Variants in SIL1 observed in about 807,000 individuals in gnomAD.
SIL1 encodes nucleotide exchange factor SIL1.
In SIL1, 40 loss-of-function variants were observed where a neutral mutation model predicts 49.1. The observed-to-expected ratio is 0.81, with a 90% confidence interval of 0.63 to 1.06. SIL1 has a LOEUF of 1.06. Ranked by LOEUF, SIL1 falls within the 50% of genes least tolerant of loss-of-function variation. The pLI is 0.00. For synonymous variants in SIL1, 253 were observed against 250.8 expected (o/e 1.01, Z -0.08); for missense variants, 500 against 572.6 (o/e 0.87, Z 1.29).
chr5:138,954,053 G>T (rs1448637573), intron 7 of SIL1, among the ~76,000 whole-genome samples: 2 of 152,170 alleles, frequency 1.3e-5, no homozygotes, highest in South Asian at 2.1e-4. Flanking sequence ...TGTGACCAGG[G>T]CAAAGAGAAG....
rs563840164 is a variant in SIL1 at position 139,025,207 on chromosome 5, T to C, written c.645+1594A>G. 3.9e-5 allele frequency among the ~76,000 whole-genome samples: 6 copies of C among 152,344 alleles called. No individual in the cohort carries two copies. In the South Asian group the frequency reaches 8.3e-4, roughly 21 times the overall value. On this transcript the variant is annotated intron_variant, in intron 6 of 9. Transcript: ENST00000394817. ...TTATTGAATAAATCAATGGCTTTTA[T>C]TGGCTCCTTGTTAGCTCCACCTTTT...
At position 138,955,019 on chromosome 5, in the gene SIL1, G is replaced by A. The variant is rs1766871492; in HGVS notation, c.768-3135C>T. On this transcript the variant is annotated intron_variant, in intron 7 of 9. Transcript: ENST00000394817. Reference sequence around the variant, plus strand: ...GAGCACAGCTTTATTTGGCCTGGATGCCTCGAGCACATATCATGTATGGCA... The same window carrying A: ...GAGCACAGCTTTATTTGGCCTGGATACCTCGAGCACATATCATGTATGGCA... 2.0e-5 allele frequency among the ~76,000 whole-genome samples: 3 copies of A among 152,234 alleles called. No individual in the cohort carries two copies. In the South Asian group the frequency reaches 6.2e-4, roughly 31 times the overall value.
At chr5:138,951,935 G>T (rs376625839) in intron 7 of SIL1, 51 bp from the exon 8 acceptor site, 35 of 1,499,840 alleles carry the variant, frequency 2.3e-5, no homozygotes, top group Non-Finnish European at 3.1e-5. Flanking sequence ...CCCAGGGATC[G>T]GATGGTCAGG....
chr5:139,137,020 C>T (rs1750987615), intron 1 of SIL1, among the ~76,000 whole-genome samples: 1 of 152,202 alleles, frequency 6.6e-6, no homozygotes. Context: ...GGGCTCTCAG[C>T]CATGCCTCAG....
At chr5:139,075,101 G>A (rs1769920587) in intron 3 of SIL1, among the ~76,000 whole-genome samples, 1 of 152,194 alleles carries the variant, frequency 6.6e-6, no homozygotes, top group Non-Finnish European at 1.5e-5. Context: ...GGGATTATAG[G>A]CGTGAGCCAT....
At chr5:138,973,486 G>T (rs913086347) in intron 7 of SIL1, among the ~76,000 whole-genome samples, 13 of 151,998 alleles carry the variant, frequency 8.6e-5, no homozygotes, top group African/African-American at 3.1e-4. Flanking sequence ...TTTTGAGACA[G>T]GGTCTCGCCC....
chr5:139,148,139 C>G (rs977746206), intron 1 of SIL1, among the ~76,000 whole-genome samples: 1 of 151,400 alleles, frequency 6.6e-6, no homozygotes, highest in Non-Finnish European at 1.5e-5. Flanking sequence ...CACATAAACC[C>G]AAGAGAGTTA....
At chr5:138,958,451 A>G (rs528962096) in intron 7 of SIL1, among the ~76,000 whole-genome samples, 1 of 152,296 alleles carries the variant, frequency 6.6e-6, no homozygotes, top group Admixed American at 6.5e-5. Context: ...TCTGAAATTA[A>G]TATTTTGTGG....
intron 3 of SIL1, among the ~76,000 whole-genome samples, chr5:139,060,237 A>T (rs1472012093): frequency 6.6e-6 from 1 of 152,230 alleles, no homozygotes; most frequent in African/African-American, 2.4e-5. Flanking sequence ...AGTCGGAGCT[A>T]TAAAAAAGAA....
chr5:138,951,460 G>C, intron 8 of SIL1, 125 bp from the exon 9 acceptor site: 1 of 987,080 alleles, frequency 1.0e-6, no homozygotes, highest in African/African-American at 1.6e-5. Flanking sequence ...CTCAGTTACA[G>C]CTATACCCCA....
rs1298941770 is a variant in SIL1 at position 139,198,213 on chromosome 5, A to G, written c.-11+56T>C. The G allele has an allele frequency of 2.0e-5, 3 of 152,320 alleles. No homozygotes were observed. The East Asian group carries it at 5.8e-4, about 29-fold the overall frequency. The allele number at this position is 152,320 out of a possible 1,614,324, so 9.4% of individuals were successfully genotyped here. On this transcript the variant is annotated intron_variant, in intron 1 of 9. Transcript: ENST00000394817. ...GGCCGCCGGCAGGAGGAGGCCCAGG[A>G]AGCGCCCTGAGCCCCCCGCCCAGCT...
chr5:139,194,529 G>C (rs1252968508), intron 1 of SIL1, among the ~76,000 whole-genome samples: 7 of 152,206 alleles, frequency 4.6e-5, no homozygotes, highest in Non-Finnish European at 1.0e-4. Flanking sequence ...AAGGTTTGCA[G>C]TTTAAGGCCG....
chr5:138,992,635 C>CA (rs1301644623), intron 7 of SIL1, among the ~76,000 whole-genome samples: 2 of 148,370 alleles, frequency 1.3e-5, no homozygotes, highest in East Asian at 2.0e-4. Flanking sequence ...TTTCAAACAT[C>CA]AAAAAAATAA....
In SIL1 at chr5:139,155,453, G is replaced by A. The variant is rs111701543; in HGVS notation, c.-10-27600C>T. ...ACACACACACGTACACAGAGTGAGA[G>A]AGAGAGAGAGAGAGAGAGAGAGAGA... is the stretch of plus-strand genomic sequence containing the variant. On this transcript the variant is annotated intron_variant, in intron 1 of 9. Coordinates refer to ENST00000394817, the MANE Select transcript of SIL1 (RefSeq NM_022464.5). The A allele has an allele frequency of 5.4e-5, 8 of 149,270 alleles. No individual in the cohort carries two copies. In the East Asian group the frequency reaches 1.6e-3, roughly 29 times the overall value. The allele number at this position is 149,270 out of a possible 1,614,324, so 9.2% of individuals were successfully genotyped here.
At chr5:138,962,905 G>A (rs759778124) in intron 7 of SIL1, among the ~76,000 whole-genome samples, 3 of 152,172 alleles carry the variant, frequency 2.0e-5, no homozygotes, top group Admixed American at 6.5e-5. Flanking sequence ...GGAAGAAAGC[G>A]GGCTAAAGAG....
At chr5:139,190,133 G>GTGAGTC (rs1752141624) in intron 1 of SIL1, among the ~76,000 whole-genome samples, 1 of 152,320 alleles carries the variant, frequency 6.6e-6, no homozygotes, top group Non-Finnish European at 1.5e-5. Context: ...GTAAATACAA[G>GTGAGTC]TGAGTCTGAC....
chr5:139,186,814 T>A (rs1363308759), intron 1 of SIL1, among the ~76,000 whole-genome samples: 2 of 152,202 alleles, frequency 1.3e-5, no homozygotes, highest in Non-Finnish European at 2.9e-5. Context: ...GAATGACAGA[T>A]GCAGTGTCTG....
intron 7 of SIL1, 71 bp from the exon 8 acceptor site, chr5:138,951,955 C>G (rs1554122240): frequency 1.5e-6 from 2 of 1,292,710 alleles, no homozygotes; most frequent in South Asian, 2.4e-5. Context: ...GGAACTGAGC[C>G]CATGTCAGCC....
At chr5:139,118,139 C>T (rs1016193619) in intron 3 of SIL1, among the ~76,000 whole-genome samples, 2 of 152,240 alleles carry the variant, frequency 1.3e-5, no homozygotes, top group East Asian at 3.8e-4. Context: ...AAACACTCTG[C>T]TAACCCCTTT....
Sources: allele counts gnomAD v4.1 joint callset (sites outside exome capture counted in the v4.1 genomes callset), GRCh38; gene constraint gnomAD v4.1.1; transcripts MANE v1.5; gene names NCBI Gene and HGNC (gene_info 2026-07-23, HGNC 2026-07-21).